Variants in RTN1 observed in about 807,000 individuals in gnomAD.
RTN1 encodes reticulon 1.
A neutral mutation model predicts 65.5 loss-of-function variants in RTN1; 25 were observed. The ratio of observed to expected loss-of-function variants is 0.38; its 90% CI spans 0.28 to 0.53. The LOEUF (loss-of-function observed/expected upper bound fraction) is 0.53, where lower values mean the gene tolerates loss of function less well. Among genes scored for constraint, RTN1 ranks in the 20% least tolerant of loss-of-function variants. The probability of loss-of-function intolerance (pLI) is 0.79; values close to 1 mark genes in which losing one functional copy is unlikely to be tolerated. For synonymous variants in RTN1, 471 were observed against 447.6 expected, an observed-to-expected ratio of 1.05 and a Z score of -0.66; for missense variants, 983 against 1,025.4, an observed-to-expected ratio of 0.96 and a Z score of 0.57.
chr14:59,850,958 A>C (rs1462541162), intron 1 of RTN1, among the ~76,000 whole-genome samples: 1 of 152,202 alleles, frequency 6.6e-6, no homozygotes, highest in Non-Finnish European at 1.5e-5. Flanking sequence ...CATTTCACTA[A>C]GAAAGTTGAC....
At chr14:59,805,848 C>T (rs1886626262) in intron 1 of RTN1, among the ~76,000 whole-genome samples, 1 of 152,134 alleles carries the variant, frequency 6.6e-6, no homozygotes, top group Non-Finnish European at 1.5e-5. Flanking sequence ...GAAAGACTGC[C>T]TTTCATTTTG....
intron 1 of RTN1, among the ~76,000 whole-genome samples, chr14:59,812,773 T>C (rs1886752124): frequency 2.0e-5 from 3 of 152,192 alleles, no homozygotes; most frequent in Admixed American, 2.0e-4. Context: ...ACACACATTC[T>C]CAAACAAGCT....
At position 59,870,526 on chromosome 14, in the gene RTN1, C is replaced by T. The variant is rs1455052147; in HGVS notation, c.105G>A (p.Pro35=). The change falls in exon 1 of 9, where the codon CCG becomes CCA. Residue 35 remains proline, a synonymous_variant. Coordinates refer to ENST00000267484, the MANE Select transcript of RTN1 (RefSeq NM_021136.3). The surrounding 1 kb of genome is among the most constrained non-coding windows in gnomAD (Gnocchi z 5.1). ...RGEGENEAVT[P]KGATPAPQAG... is the part of the protein sequence containing the mutation. ...CCTGCGGCGCCGGCGTGGCCCCTTTCGGCGTCACCGCTTCGTTCTCCCCCT... is the reference window on the plus strand; with the variant it reads ...CCTGCGGCGCCGGCGTGGCCCCTTTTGGCGTCACCGCTTCGTTCTCCCCCT... 1.4e-6 allele frequency: 2 copies of T among 1,458,666 alleles called. No individual in the cohort carries two copies. Among genetic ancestry groups the T allele is most frequent in the South Asian group, 1.3e-5 (1 of 75,302 alleles). 90.4% of individuals were successfully genotyped at this position (1,458,666 alleles called of 1,614,324 possible). A position where few individuals can be genotyped will look rare whatever the true frequency, so the allele number is the denominator to read the frequency against.
intron 1 of RTN1, among the ~76,000 whole-genome samples, chr14:59,748,819 T>C (rs1426903853): frequency 2.6e-5 from 4 of 152,042 alleles, no homozygotes; most frequent in Admixed American, 2.0e-4. Context: ...GGACAGAGTC[T>C]TACTCTGTCG....
At position 59,727,447 on chromosome 14, in the gene RTN1, T is replaced by A. The variant is rs1884799468; in HGVS notation, c.1237A>T (p.Ile413Phe). 1 of 1,557,504 alleles carries A rather than the reference T, an allele frequency of 6.4e-7. No homozygotes were observed. ...ATGGGGTCCTCGGACACCAGCTCGA[T>A]CTCTGAGTCCCCCGACTCCGCGCTG... ...ASSAESGDSE[I>F]ELVSEDPMAA... Residue 413 changes from isoleucine (I) to phenylalanine (F), a missense_variant, in exon 3 of 9, where the codon ATC (isoleucine) becomes TTC (phenylalanine). By Grantham distance (21) the Ile-to-Phe change is conservative (BLOSUM62 0). Transcript: ENST00000267484. The surrounding 1 kb of genome is among the most constrained non-coding windows in gnomAD (Gnocchi z 4.2).
rs1165906917 is a variant in RTN1, at chr14:59,744,767, T to C, written c.1015+941A>G. On this transcript the variant is annotated intron_variant, in intron 2 of 8. Transcript: ENST00000267484. Reference sequence around the variant, plus strand: ...TCCACCTTTTCCTTCCCTTTAAGTGTACAGACTTAGAGCTAGGGACAGGAA... The same window carrying C: ...TCCACCTTTTCCTTCCCTTTAAGTGCACAGACTTAGAGCTAGGGACAGGAA... Among the ~76,000 whole-genome samples, 5 of 152,110 alleles carry C rather than the reference T, an allele frequency of 3.3e-5. No homozygotes were observed. In the East Asian group the frequency reaches 7.7e-4, roughly 23 times the overall value.
intron 1 of RTN1, among the ~76,000 whole-genome samples, chr14:59,749,562 TATATAGATATATATATATAG>T (rs1288489320): frequency 2.6e-4 from 12 of 46,618 alleles, no homozygotes; most frequent in African/African-American, 1.2e-3. Flanking sequence ...TAGATATCTA[TATATAGATATATATATATAG>T]ATATTTATAT....
intron 1 of RTN1, among the ~76,000 whole-genome samples, chr14:59,813,212 AT>A (rs1315367728): frequency 6.6e-6 from 1 of 152,122 alleles, no homozygotes; most frequent in African/African-American, 2.4e-5. Flanking sequence ...TTATTAGATA[AT>A]TTTTTCTGAT....
chr14:59,740,300 C>T (rs1885091523), intron 2 of RTN1, among the ~76,000 whole-genome samples: 1 of 152,176 alleles, frequency 6.6e-6, no homozygotes, highest in Non-Finnish European at 1.5e-5. Flanking sequence ...TAGCTCAAAA[C>T]TGCCCTCAGA....
intron 1 of RTN1, among the ~76,000 whole-genome samples, chr14:59,783,075 T>A (rs1886186218): frequency 6.6e-6 from 1 of 152,156 alleles, no homozygotes; most frequent in Non-Finnish European, 1.5e-5. Context: ...ATTTTACAGA[T>A]GAAGAAAGCA....
rs776216828 is a variant in RTN1 at position 59,726,960 on chromosome 14, G to T, written c.1724C>A (p.Pro575His). 2.5e-6 allele frequency: 4 copies of T among 1,613,366 alleles called. No individual in the cohort carries two copies. Among genetic ancestry groups the T allele is most frequent in the Non-Finnish European group, 3.4e-6 (4 of 1,179,746 alleles). ...AATKGPGPLG[P>H]GAPPPLLFLN... Reference sequence around the variant, plus strand: ...AAACAGCAGTGGGGGCGGGGCGCCAGGACCTAGAGGCCCAGGGCCCTTTGT... The same window carrying T: ...AAACAGCAGTGGGGGCGGGGCGCCATGACCTAGAGGCCCAGGGCCCTTTGT... Residue 575 changes from proline to histidine, a missense_variant, in exon 3 of 9, where the codon CCT (proline) becomes CAT (histidine). Around this residue, in one of 2 missense-constraint regions of RTN1, gnomAD observed 818 missense variants for 801.8 expected, o/e 1.02. Coordinates refer to ENST00000267484, the MANE Select transcript of RTN1 (RefSeq NM_021136.3).
intron 3 of RTN1, among the ~76,000 whole-genome samples, chr14:59,675,967 C>G (rs1883618722): frequency 6.6e-6 from 1 of 152,116 alleles, no homozygotes; most frequent in Non-Finnish European, 1.5e-5. Context: ...CTCTGATAAC[C>G]CCCACTCCCC....
chr14:59,678,116 G>A (rs1883666006), intron 3 of RTN1, among the ~76,000 whole-genome samples: 1 of 152,294 alleles, frequency 6.6e-6, no homozygotes, highest in Admixed American at 6.5e-5. Flanking sequence ...GGGAACAAGG[G>A]CGTCATATAA....
At chr14:59,761,215 A>G (rs1201635310) in intron 1 of RTN1, among the ~76,000 whole-genome samples, 1 of 152,230 alleles carries the variant, frequency 6.6e-6, no homozygotes, top group Non-Finnish European at 1.5e-5. Flanking sequence ...TAATTGTCTT[A>G]GACCCTGATA....
At position 59,749,210 on chromosome 14, in the gene RTN1, CTATATATATCTATA is replaced by C. The variant is rs1566711103; in HGVS notation, c.242-2743_242-2730del. Among the ~76,000 whole-genome samples the C allele has an allele frequency of 4.3e-3, 272 of 63,518 alleles. 32 individuals are homozygous for C. Among genetic ancestry groups the C allele is most frequent in the African/African-American group, 0.03 (258 of 8,738 alleles). 41.7% of individuals were successfully genotyped at this position (63,518 alleles called of 152,430 possible). On this transcript the variant is annotated intron_variant, in intron 1 of 8. Coordinates refer to ENST00000267484, the MANE Select transcript of RTN1 (RefSeq NM_021136.3). ...TATCTATATATATCTATATATATAT[CTATATATATCTATA>C]TATCTATATATATCTATATATATCT...
intron 1 of RTN1, among the ~76,000 whole-genome samples, chr14:59,782,780 G>T (rs529094144): frequency 6.6e-6 from 1 of 152,152 alleles, no homozygotes; most frequent in South Asian, 2.1e-4. Context: ...ATTTTTTTCA[G>T]GTAGCTGCTA....
At chr14:59,855,819 G>GGGTGTCTCTTACAT (rs1887597066) in intron 1 of RTN1, among the ~76,000 whole-genome samples, 1 of 152,138 alleles carries the variant, frequency 6.6e-6, no homozygotes, top group Non-Finnish European at 1.5e-5. Context: ...TACTAGTGCT[G>GGGTGTCTCTTACAT]GGTGTCTCTT....
chr14:59,763,777 T>C (rs1193202134), intron 1 of RTN1, among the ~76,000 whole-genome samples: 2 of 152,098 alleles, frequency 1.3e-5, no homozygotes, highest in East Asian at 3.9e-4. Context: ...GTGATCCACC[T>C]GCCTCGGCCT....
rs925116290 is a variant in RTN1, at chr14:59,840,752, A to G, written c.241+29638T>C. Among the ~76,000 whole-genome samples the G allele has an allele frequency of 2.6e-5, 4 of 152,188 alleles. 1 individual carries two copies. Among genetic ancestry groups the G allele is most frequent in the Non-Finnish European group, 4.4e-5 (3 of 68,034 alleles). On this transcript the variant is annotated intron_variant, in intron 1 of 8. Transcript: ENST00000267484. ...GGAACCTTAGCAATAATATTTTCTC[A>G]TAATTAAAGAAATTTTTCATGAGAA...
Sources: gnomAD v4.1 joint callset for allele counts (sites outside exome capture counted in the v4.1 genomes callset) on GRCh38, gnomAD v4.1.1 for gene constraint, gnomAD v4.1.1 regional missense constraint, Gnocchi (gnomAD v3.1) non-coding constraint, MANE v1.5 for transcripts, NCBI Gene and HGNC (gene_info 2026-07-23, HGNC 2026-07-21) for gene names.